The following TLCD3A variants were observed in gnomAD, a reference collection of about 807,000 sequenced individuals.
The protein encoded by TLCD3A is TLC domain-containing protein 3A.
Under a neutral mutation model 29.9 loss-of-function variants are expected in TLCD3A, and 17 were observed. That is an observed-to-expected ratio of 0.57 (90% CI 0.39 to 0.85). TLCD3A has a LOEUF of 0.85. Among genes scored for constraint, TLCD3A ranks in the 40% least tolerant of loss-of-function variants. TLCD3A has a pLI of 0.00. For missense variants in TLCD3A, 332 were observed against 350.8 expected, an observed-to-expected ratio of 0.95 and a Z score of 0.43; for synonymous variants, 143 against 147.7, an observed-to-expected ratio of 0.97 and a Z score of 0.23.
Position 732,605 on chromosome 17 carries a change from C to T in TLCD3A, c.-43C>T, listed in dbSNP as rs1974083474. 8.3e-7 allele frequency: 1 copy of T among 1,203,198 alleles called. No homozygotes were observed. Among genetic ancestry groups the T allele is most frequent in the Non-Finnish European group, 1.0e-6 (1 of 969,414 alleles). 74.5% of individuals were successfully genotyped at this position (1,203,198 alleles called of 1,614,324 possible). On this transcript the variant is annotated 5_prime_UTR_variant, in exon 1 of 5. Transcript: ENST00000308278. Reference sequence around the variant, plus strand: ...CGGGCCGGGGCGCGCCGAGCCGAACCCAGCCACGCGGCGCCAGCGAGGCGG... The same window carrying T: ...CGGGCCGGGGCGCGCCGAGCCGAACTCAGCCACGCGGCGCCAGCGAGGCGG...
intron 1 of TLCD3A, 128 bp downstream of exon 1, chr17:732,897 C>T: frequency 1.5e-6 from 2 of 1,369,124 alleles, no homozygotes; most frequent in Non-Finnish European, 1.9e-6. Context: ...CGCGTCCCGG[C>T]GGCCCGAGTT....
chr17:738,149 G>A (rs1278169820), intron 3 of TLCD3A, 102 bp downstream of exon 3: 3 of 884,084 alleles, frequency 3.4e-6, no homozygotes, highest in African/African-American at 3.9e-5. Context: ...CAGCTGGAGT[G>A]CAGTGGTGTG....
At chr17:739,464 C>T (rs184380520) in intron 3 of TLCD3A, among the ~76,000 whole-genome samples, 24 of 152,092 alleles carry the variant, frequency 1.6e-4, no homozygotes, top group African/African-American at 5.3e-4. Context: ...GCTGGGATTA[C>T]AGGCGTGAGC....
At chr17:737,767 C>A in intron 2 of TLCD3A, 79 bp from the exon 3 acceptor site, 1 of 1,287,812 alleles carries the variant, frequency 7.8e-7, no homozygotes, top group Non-Finnish European at 1.1e-6. Context: ...AATAGCTGAT[C>A]AAGCACCAAG....
chr17:733,454 G>C (rs555702041), intron 2 of TLCD3A, among the ~76,000 whole-genome samples: 1 of 152,204 alleles, frequency 6.6e-6, no homozygotes, highest in Admixed American at 6.5e-5. Context: ...AAGCATTTAC[G>C]ACTGGGAGTG....
At chr17:733,054 C>T (rs1370081700) in intron 1 of TLCD3A, 44 bp from the exon 2 acceptor site, 13 of 1,540,488 alleles carry the variant, frequency 8.4e-6, no homozygotes, top group East Asian at 2.5e-5. Flanking sequence ...CTGCGGTCCT[C>T]GGACCGGACT....
intron 2 of TLCD3A, among the ~76,000 whole-genome samples, chr17:737,432 T>C (rs1245797376): frequency 6.6e-6 from 1 of 151,954 alleles, no homozygotes; most frequent in Non-Finnish European, 1.5e-5. Flanking sequence ...AACCCCCAAC[T>C]GTTGAGCAGC....
Position 733,664 on chromosome 17 carries a change from T to G in TLCD3A, c.206+483T>G, listed in dbSNP as rs112653310. On this transcript the variant is annotated intron_variant, in intron 2 of 4. Coordinates refer to ENST00000308278, the MANE Select transcript of TLCD3A (RefSeq NM_024792.3). ...GTTCCCAGCGCTTAGAACACGGACT[T>G]GTACGTCTATCAGAGGTCAGTCCAG... 5.3e-5 allele frequency among the ~76,000 whole-genome samples: 8 copies of G among 152,336 alleles called. 1 individual carries two copies. The highest frequency in any genetic ancestry group is 1.9e-4 in the African/African-American group (8 of 41,588).
intron 1 of TLCD3A, 123 bp from the exon 2 acceptor site, chr17:732,975 C>T (rs753672333): frequency 3.6e-6 from 5 of 1,407,034 alleles, no homozygotes; most frequent in Non-Finnish European, 3.8e-6. Flanking sequence ...GCCGATGAGC[C>T]TCCGGAGCCC....
In TLCD3A at chr17:737,893, T is replaced by C; in HGVS notation, c.254T>C (p.Ile85Thr). 6.2e-7 allele frequency: 1 copy of C among 1,614,092 alleles called. No individual in the cohort carries two copies. The highest frequency in any genetic ancestry group is 1.3e-5 in the African/African-American group (1 of 74,990). Reference protein sequence around the residue: ...EYVWFLIPYMIYDSYAMYLCE... With the variant: ...EYVWFLIPYMTYDSYAMYLCE... ...GTGTGGTTTCTGATTCCATACATGA[T>C]CTATGACTCGTACGCCATGTACCTC... The change falls in exon 3 of 5, where the codon ATC becomes ACC. Residue 85 changes from isoleucine (I) to threonine (T), a missense_variant. By Grantham distance (89) the Ile-to-Thr change is moderately conservative. Transcript: ENST00000308278.
chr17:739,949 G>T (rs1222255124), intron 3 of TLCD3A, among the ~76,000 whole-genome samples: 5 of 152,178 alleles, frequency 3.3e-5, no homozygotes, highest in Non-Finnish European at 7.4e-5. Context: ...AGGAGCCTGA[G>T]GCAGGAGAGT....
chr17:741,197 C>T (rs1974247306), intron 4 of TLCD3A, 104 bp from the exon 5 acceptor site: 12 of 1,173,978 alleles, frequency 1.0e-5, no homozygotes, highest in Non-Finnish European at 1.5e-5. Flanking sequence ...TCTTGATGAG[C>T]ACCTGCACCT....
In TLCD3A at chr17:740,395, A is replaced by G. The variant is rs866619964; in HGVS notation, c.409-110A>G. On this transcript the variant is annotated intron_variant, in intron 3 of 4. Transcript: ENST00000308278. The stretch of plus-strand genomic sequence containing the variant: ...TACAGTAGTCTGCGCTTGCCTATTG[A>G]GCGTCCTTTGCCCGTCACAGTTACC... 41 of 804,556 alleles carry G rather than the reference A, an allele frequency of 5.1e-5. No homozygotes were observed. In the African/African-American group the frequency reaches 5.9e-4, roughly 12 times the overall value. 49.8% of individuals were successfully genotyped at this position (804,556 alleles called of 1,614,324 possible).
rs1018003581 is a variant in TLCD3A at position 742,506 on chromosome 17, C to G, written c.*936C>G. 3.3e-5 allele frequency: 5 copies of G among 152,374 alleles called. No individual in the cohort carries two copies. Among genetic ancestry groups the G allele is most frequent in the Admixed American group, 3.3e-4 (5 of 15,304 alleles). The allele number at this position is 152,374 out of a possible 1,614,324, so 9.4% of individuals were successfully genotyped here. A position where few individuals can be genotyped will look rare whatever the true frequency, so the allele number is the denominator to read the frequency against. Reference sequence around the variant, plus strand: ...TCCTCCAAACCATGAAATGTGTCATCTAGACTGCAGAGTACTTGAGTGCTT... The same window carrying G: ...TCCTCCAAACCATGAAATGTGTCATGTAGACTGCAGAGTACTTGAGTGCTT... On this transcript the variant is annotated 3_prime_UTR_variant, in exon 5 of 5. Transcript: ENST00000308278.
At chr17:737,801 G>T in intron 2 of TLCD3A, 45 bp from the exon 3 acceptor site, 2 of 1,561,844 alleles carry the variant, frequency 1.3e-6, no homozygotes, top group South Asian at 1.1e-5. Flanking sequence ...CTTCATAATG[G>T]ATATCCACAA....
At chr17:740,409 G>A (rs554419283) in intron 3 of TLCD3A, 96 bp from the exon 4 acceptor site, 66 of 912,764 alleles carry the variant, frequency 7.2e-5, no homozygotes, top group Non-Finnish European at 1.0e-4. Context: ...TCCTTTGCCC[G>A]TCACAGTTAC....
chr17:735,695 T>A (rs1288269041), intron 2 of TLCD3A, among the ~76,000 whole-genome samples: 1 of 151,960 alleles, frequency 6.6e-6, no homozygotes, highest in Non-Finnish European at 1.5e-5. Context: ...TCGGGTGCGG[T>A]GGCTCCTGCC....
chr17:741,515 T>C lies in TLCD3A; in HGVS notation c.719T>C (p.Leu240Pro), dbSNP rs770077057. 22 of 1,614,070 alleles carry C rather than the reference T, an allele frequency of 1.4e-5. No individual in the cohort carries two copies. Among genetic ancestry groups the C allele is most frequent in the Non-Finnish European group, 1.7e-6 (2 of 1,180,044 alleles). ...VAPQIYWFCL[L>P]CRKAVRLFDT... ...CCTCAGATCTACTGGTTCTGTCTGC[T>C]GTGCAGGAAGGCAGTCCGGCTCTTT... Residue 240 changes from leucine to proline, a missense_variant, in exon 5 of 5, where the codon CTG (leucine) becomes CCG (proline). Coordinates refer to ENST00000308278, the MANE Select transcript of TLCD3A (RefSeq NM_024792.3).
In TLCD3A at chr17:733,198, G is replaced by A; in HGVS notation, c.206+17G>A. On this transcript the variant is annotated intron_variant, in intron 2 of 4. Coordinates refer to ENST00000308278, the MANE Select transcript of TLCD3A (RefSeq NM_024792.3). Reference sequence around the variant, plus strand: ...CACCGGCAGGTAAGAGCCCGGGCCGGGGCCTTGTTGCAAATGTCACATTTC... The same window carrying A: ...CACCGGCAGGTAAGAGCCCGGGCCGAGGCCTTGTTGCAAATGTCACATTTC... 2 of 1,524,856 alleles carry A rather than the reference G, an allele frequency of 1.3e-6. No homozygotes were observed. Among genetic ancestry groups the A allele is most frequent in the South Asian group, 1.2e-5 (1 of 81,320 alleles). The allele number at this position is 1,524,856 out of a possible 1,614,324, so 94.5% of individuals were successfully genotyped here. A position where few individuals can be genotyped will look rare whatever the true frequency, so the allele number is the denominator to read the frequency against.
Sources: gnomAD v4.1 joint callset for allele counts (sites outside exome capture counted in the v4.1 genomes callset) on GRCh38, gnomAD v4.1.1 for gene constraint, MANE v1.5 for transcripts, NCBI Gene and HGNC (gene_info 2026-07-23, HGNC 2026-07-21) for gene names.